ADGRA2: variants seen among roughly 807,000 people sequenced by gnomAD.
ADGRA2 encodes G-protein coupled receptor 124.
In ADGRA2, 61 loss-of-function variants were observed where a neutral mutation model predicts 98.7. That is an observed-to-expected ratio of 0.62 (90% confidence interval 0.50 to 0.76). The LOEUF is 0.76. Ranked by LOEUF, ADGRA2 falls within the 30% of genes least tolerant of loss-of-function variation. The pLI is 0.00. For synonymous variants in ADGRA2, 858 were observed against 831.5 expected (o/e 1.03, Z -0.55); for missense variants, 1,712 against 1,860.0 (o/e 0.92, Z 1.46).
At chr8:37,833,402 G>A (rs1403574955) in intron 9 of ADGRA2, among the ~76,000 whole-genome samples, 194 bp downstream of exon 9, 2 of 152,180 alleles carry the variant, frequency 1.3e-5, no homozygotes, top group African/African-American at 4.8e-5. Context: ...GGCCACAGTG[G>A]GGAAGGGCAC....
intron 1 of ADGRA2, among the ~76,000 whole-genome samples, chr8:37,805,824 G>A (rs1418870644): frequency 2.0e-5 from 3 of 151,870 alleles, no homozygotes; most frequent in Non-Finnish European, 2.9e-5. Context: ...AGCCGAGATC[G>A]TACCACTGCA....
intron 1 of ADGRA2, among the ~76,000 whole-genome samples, chr8:37,812,846 T>TTTTATTTA (rs1200726559): frequency 1.4e-5 from 2 of 147,520 alleles, no homozygotes; most frequent in African/African-American, 5.2e-5. Flanking sequence ...AATTTTTTAT[T>TTTTATTTA]TTTATTTATT....
At position 37,844,648 on chromosome 8, in the gene ADGRA2, G is replaced by A. The variant is rs201617362; in HGVS notation, c.*2293G>A. On this transcript the variant is annotated 3_prime_UTR_variant, in exon 19 of 19. Coordinates refer to ENST00000412232, the MANE Select transcript of ADGRA2 (RefSeq NM_032777.10). ...GAGACAGGGGGTACAGGGCAGATCC[G>A]CTTCGGGGACTTCAACATGCAGGGT... 73 of 1,614,114 alleles carry A rather than the reference G, an allele frequency of 4.5e-5. No homozygotes were observed. The highest frequency in any genetic ancestry group is 2.7e-4 in the African/African-American group (20 of 75,020).
rs1804387270 is a variant in ADGRA2 at position 37,797,987 on chromosome 8, G to A, written c.266+453G>A. 6.6e-6 allele frequency among the ~76,000 whole-genome samples: 1 copy of A among 152,226 alleles called. No individual in the cohort carries two copies. Among genetic ancestry groups the A allele is most frequent in the African/African-American group, 2.4e-5 (1 of 41,464 alleles). On this transcript the variant is annotated intron_variant, in intron 1 of 18. Coordinates refer to ENST00000412232, the MANE Select transcript of ADGRA2 (RefSeq NM_032777.10). This position sits in a 1 kb window ranked among gnomAD's most constrained non-coding sequence, Gnocchi z 5.3. ...CCGGACTGGGCTGGAGGAGTCTCCG[G>A]ATTTACCTGGCTGGCCTTGTCCCTT...
At chr8:37,812,158 GTTGTTGT>G (rs1804851412) in intron 1 of ADGRA2, among the ~76,000 whole-genome samples, 3 of 133,444 alleles carry the variant, frequency 2.2e-5, no homozygotes, top group African/African-American at 3.2e-5. Context: ...CAATGGTGTT[GTTGTTGT>G]TGTTGTTGTT....
chr8:37,813,750 T>G (rs1305054903), intron 1 of ADGRA2, among the ~76,000 whole-genome samples: 1 of 152,208 alleles, frequency 6.6e-6, no homozygotes, highest in Non-Finnish European at 1.5e-5. Context: ...TCCTGGCCAC[T>G]GTCTTCTCCA....
chr8:37,840,027 G>C (rs1805742537), intron 16 of ADGRA2, 94 bp from the exon 17 acceptor site: 16 of 1,217,554 alleles, frequency 1.3e-5, no homozygotes, highest in Non-Finnish European at 1.7e-5. Context: ...GGGGCCGGAG[G>C]CTGGAAGCCT....
In ADGRA2 at chr8:37,830,331, T is replaced by C. The variant is rs1276955535; in HGVS notation, c.718+317T>C. Among the ~76,000 whole-genome samples the C allele has an allele frequency of 1.3e-5, 2 of 152,168 alleles. No individual in the cohort carries two copies. The highest frequency in any genetic ancestry group is 2.9e-5 in the Non-Finnish European group (2 of 68,020). On this transcript the variant is annotated intron_variant, in intron 6 of 18. Transcript: ENST00000412232. This position sits in a 1 kb window ranked among gnomAD's most constrained non-coding sequence, Gnocchi z 4.8. ...TCCCTGTGAGGCGGGGCCAGTGTTA[T>C]TCTCCCTACTCCGCCTATGACTGTG...
At chr8:37,816,593 AACACACACACACAC>A (rs545433349) in intron 2 of ADGRA2, among the ~76,000 whole-genome samples, 31 of 131,392 alleles carry the variant, frequency 2.4e-4, no homozygotes, top group South Asian at 1.0e-3. Context: ...CTCCGTCTCA[AACACACACACACAC>A]ACACACACAC....
chr8:37,802,931 C>T lies in ADGRA2; in HGVS notation c.266+5397C>T, dbSNP rs192164461. On this transcript the variant is annotated intron_variant, in intron 1 of 18. Coordinates refer to ENST00000412232, the MANE Select transcript of ADGRA2 (RefSeq NM_032777.10). The surrounding 1 kb of genome is among the most constrained non-coding windows in gnomAD (Gnocchi z 4.7). Reference sequence around the variant, plus strand: ...CAAGATCCCAAATGTGTTATTTGGCCGGAGTTACTCCTGCATGTGCATGAA... The same window carrying T: ...CAAGATCCCAAATGTGTTATTTGGCTGGAGTTACTCCTGCATGTGCATGAA... Among the ~76,000 whole-genome samples, 706 of 152,212 alleles carry T rather than the reference C, an allele frequency of 4.6e-3. 8 individuals carry two copies. Among genetic ancestry groups the T allele is most frequent in the African/African-American group, 0.016 (651 of 41,526 alleles).
chr8:37,836,657 C>G (rs1305066672), intron 13 of ADGRA2, among the ~76,000 whole-genome samples: 2 of 152,220 alleles, frequency 1.3e-5, no homozygotes, highest in East Asian at 3.8e-4. Flanking sequence ...ACACCTCCAC[C>G]TTCAGTCCAT....
At position 37,804,128 on chromosome 8, in the gene ADGRA2, C is replaced by CACACACACACAT. The variant is rs1554522463; in HGVS notation, c.266+6605_266+6606insTACACACACACA. Among the ~76,000 whole-genome samples, 597 of 149,246 alleles carry CACACACACACAT rather than the reference C, an allele frequency of 4.0e-3. 9 individuals carry two copies. The highest frequency in any genetic ancestry group is 0.026 in the East Asian group (125 of 4,878). On this transcript the variant is annotated intron_variant, in intron 1 of 18. Transcript: ENST00000412232. ...ACACACACACACACACACACACACA[C>CACACACACACAT]ACACACACACACACACACACACACG...
In ADGRA2 at chr8:37,833,988, A is replaced by G. The variant is rs1349845190; in HGVS notation, c.1468A>G (p.Met490Val). 1 of 1,612,996 alleles carries G rather than the reference A, an allele frequency of 6.2e-7. No individual in the cohort carries two copies. Among genetic ancestry groups the G allele is most frequent in the Admixed American group, 1.7e-5 (1 of 60,008 alleles). ...CCAGCTGGTAGAGGTGATGGTGGAC[A>G]TGGCCAGCAACCTGATGCTGGTGGA... ...IKELVEVMVDMASNLMLVDEH... is the reference protein window; with the variant it reads ...IKELVEVMVDVASNLMLVDEH... The change falls in exon 11 of 19, where the codon ATG becomes GTG. Residue 490 changes from methionine to valine, a missense_variant. Transcript: ENST00000412232.
At position 37,844,073 on chromosome 8, in the gene ADGRA2, A is replaced by C. The variant is rs1184834241; in HGVS notation, c.*1718A>C. 2 of 192,542 alleles carry C rather than the reference A, an allele frequency of 1.0e-5. No homozygotes were observed. The highest frequency in any genetic ancestry group is 4.6e-5 in the African/African-American group (2 of 43,508). The allele number at this position is 192,542 out of a possible 1,614,324, so 11.9% of individuals were successfully genotyped here. A position where few individuals can be genotyped will look rare whatever the true frequency, so the allele number is the denominator to read the frequency against. On this transcript the variant is annotated 3_prime_UTR_variant, in exon 19 of 19. Coordinates refer to ENST00000412232, the MANE Select transcript of ADGRA2 (RefSeq NM_032777.10). ...TGCCTGTGAATGCACGTAGGGCCAGAATTCCCCAGTTCCCGCTCCTCTGAG... is the reference window on the plus strand; with the variant it reads ...TGCCTGTGAATGCACGTAGGGCCAGCATTCCCCAGTTCCCGCTCCTCTGAG...
At chr8:37,835,850 G>A in intron 13 of ADGRA2, 80 bp downstream of exon 13, 2 of 861,654 alleles carry the variant, frequency 2.3e-6, no homozygotes, top group Non-Finnish European at 1.9e-6. Context: ...CCCTTCCCTG[G>A]CCCACAGCCC....
In ADGRA2 at chr8:37,797,479, G is replaced by A. The variant is rs757868520; in HGVS notation, c.211G>A (p.Gly71Arg). 7.0e-7 allele frequency: 1 copy of A among 1,419,842 alleles called. No individual in the cohort carries two copies. Among genetic ancestry groups the A allele is most frequent in the African/African-American group, 1.5e-5 (1 of 67,734 alleles). The allele number at this position is 1,419,842 out of a possible 1,614,324, so 88.0% of individuals were successfully genotyped here. A position where few individuals can be genotyped will look rare whatever the true frequency, so the allele number is the denominator to read the frequency against. The change falls in exon 1 of 19, where the codon GGG becomes AGG. Residue 71 changes from glycine (G) to arginine (R), a missense_variant. Gly to Arg is a moderately radical substitution (Grantham distance 125). Coordinates refer to ENST00000412232, the MANE Select transcript of ADGRA2 (RefSeq NM_032777.10). The surrounding 1 kb of genome is among the most constrained non-coding windows in gnomAD (Gnocchi z 5.3). Reference protein sequence around the residue: ...PARRRVVCSGGDLPEPPEPGL... With the variant: ...PARRRVVCSGRDLPEPPEPGL... ...TCGGCGGAGGGTGGTGTGCAGCGGC[G>A]GGGACCTCCCGGAGCCTCCCGAGCC...
chr8:37,804,765 T>C (rs1350997779), intron 1 of ADGRA2, among the ~76,000 whole-genome samples: 3 of 152,166 alleles, frequency 2.0e-5, no homozygotes, highest in Admixed American at 6.5e-5. Flanking sequence ...TCCCTGGAGA[T>C]GGGACAGAGC....
chr8:37,843,140 A>T lies in ADGRA2; in HGVS notation c.*785A>T, dbSNP rs1000712151. 11 of 152,498 alleles carry T rather than the reference A, an allele frequency of 7.2e-5. No individual in the cohort carries two copies. Among genetic ancestry groups the T allele is most frequent in the African/African-American group, 2.4e-4 (10 of 41,570 alleles). The allele number at this position is 152,498 out of a possible 1,614,324, so 9.4% of individuals were successfully genotyped here. On this transcript the variant is annotated 3_prime_UTR_variant, in exon 19 of 19. Transcript: ENST00000412232. Reference sequence around the variant, plus strand: ...ACTGAGGGGAGTAGAGGGAGAGGGCAGGTGGAACTGGGGCAGAATCTAGTC... The same window carrying T: ...ACTGAGGGGAGTAGAGGGAGAGGGCTGGTGGAACTGGGGCAGAATCTAGTC...
At chr8:37,800,499 C>A (rs980799638) in intron 1 of ADGRA2, among the ~76,000 whole-genome samples, 9 of 152,158 alleles carry the variant, frequency 5.9e-5, no homozygotes, top group Non-Finnish European at 1.3e-4. Context: ...AAGACCATTG[C>A]CTTTATTTCG....
Sources: gnomAD v4.1 joint callset for allele counts (sites outside exome capture counted in the v4.1 genomes callset) on GRCh38, gnomAD v4.1.1 for gene constraint, Gnocchi (gnomAD v3.1) non-coding constraint, MANE v1.5 for transcripts, NCBI Gene and HGNC (gene_info 2026-07-23, HGNC 2026-07-21) for gene names.